Variants in NEGR1 observed in about 807,000 individuals in gnomAD.
The protein encoded by NEGR1 is IgLON family member 4.
In NEGR1, 10 loss-of-function variants were observed where a neutral mutation model predicts 40.9. The observed-to-expected ratio is 0.24, with a 90% CI of 0.15 to 0.42. The LOEUF (loss-of-function observed/expected upper bound fraction) is 0.42, where lower values mean the gene tolerates loss of function less well. Ranked by LOEUF, NEGR1 falls within the 10% of genes least tolerant of loss-of-function variation. The probability of loss-of-function intolerance (pLI) is 1.00; values close to 1 mark genes in which losing one functional copy is unlikely to be tolerated. For synonymous variants in NEGR1, 185 were observed against 166.8 expected, an observed-to-expected ratio of 1.11 and a Z score of -0.84; for missense variants, 352 against 438.9, an observed-to-expected ratio of 0.80 and a Z score of 1.77.
At chr1:71,560,082 G>C (rs1217801210) in intron 6 of NEGR1, among the ~76,000 whole-genome samples, 1 of 149,758 alleles carries the variant, frequency 6.7e-6, no homozygotes, top group African/African-American at 2.4e-5. Flanking sequence ...AAGAGGTCAT[G>C]ATGATGATGA....
chr1:71,836,467 A>G (rs1659033917), intron 2 of NEGR1, among the ~76,000 whole-genome samples: 1 of 110,928 alleles, frequency 9.0e-6, no homozygotes, highest in African/African-American at 3.1e-5. Flanking sequence ...AAAAAACAAC[A>G]AAATATATAT....
chr1:71,777,298 A>G lies in NEGR1; in HGVS notation c.410-1001T>C, dbSNP rs1280274195. Among the ~76,000 whole-genome samples the G allele has an allele frequency of 2.6e-5, 4 of 152,114 alleles. No homozygotes were observed. In the South Asian group the frequency reaches 6.2e-4, roughly 24 times the overall value. On this transcript the variant is annotated intron_variant, in intron 2 of 6. Transcript: ENST00000357731. ...ATAGTACATGTCCTATCTGGCTGCT[A>G]TGGAGACTAAGTAAGTCACTACATG... is the stretch of plus-strand genomic sequence containing the variant.
intron 1 of NEGR1, among the ~76,000 whole-genome samples, chr1:72,168,156 G>A (rs1651834267): frequency 6.6e-6 from 1 of 151,920 alleles, no homozygotes; most frequent in South Asian, 2.1e-4. Context: ...TGGGACTACA[G>A]GCATGTGCTG....
rs1343788931 is a variant in NEGR1, at chr1:71,760,200, T to G, written c.535+15972A>C. On this transcript the variant is annotated intron_variant, in intron 3 of 6. Transcript: ENST00000357731. ...AAATGTTTGGTGGGTTCCTCCTTTT[T>G]GTTTTTTTATGGGTAAGCACCTTCC... 2.6e-5 allele frequency among the ~76,000 whole-genome samples: 4 copies of G among 152,214 alleles called. No homozygotes were observed. In the East Asian group the frequency reaches 7.7e-4, roughly 29 times the overall value.
intron 2 of NEGR1, among the ~76,000 whole-genome samples, chr1:71,862,066 T>G (rs1468490463): frequency 6.6e-6 from 1 of 152,102 alleles, no homozygotes; most frequent in Non-Finnish European, 1.5e-5. Flanking sequence ...CTGTGTATTT[T>G]TCCTAAATTA....
chr1:71,945,473 A>T (rs1406439830), intron 1 of NEGR1, among the ~76,000 whole-genome samples: 2 of 152,170 alleles, frequency 1.3e-5, no homozygotes, highest in Admixed American at 1.3e-4. Flanking sequence ...GTCTGGCTTG[A>T]TGTAGCAAAA....
chr1:71,714,388 C>T (rs972271126), intron 3 of NEGR1, among the ~76,000 whole-genome samples: 3 of 152,166 alleles, frequency 2.0e-5, no homozygotes, highest in Non-Finnish European at 4.4e-5. Flanking sequence ...CTCATGTCCT[C>T]ACATTTCAAA....
chr1:71,527,302 C>T (rs1007982522), intron 6 of NEGR1, among the ~76,000 whole-genome samples: 4 of 151,366 alleles, frequency 2.6e-5, no homozygotes, highest in Non-Finnish European at 3.0e-5. Context: ...TTACTCCCAA[C>T]TTCCACCAGT....
intron 1 of NEGR1, among the ~76,000 whole-genome samples, chr1:72,047,411 C>T (rs900775384): frequency 4.0e-5 from 6 of 151,258 alleles, no homozygotes; most frequent in Non-Finnish European, 7.4e-5. Context: ...ATCCTATTTC[C>T]TAAAATTGTA....
chr1:72,012,291 A>G (rs1318782321), intron 1 of NEGR1, among the ~76,000 whole-genome samples: 1 of 152,058 alleles, frequency 6.6e-6, no homozygotes, highest in Admixed American at 6.6e-5. Flanking sequence ...GGACTCCCCC[A>G]TGGCTAACTA....
At chr1:71,725,041 C>G (rs1161354308) in intron 3 of NEGR1, among the ~76,000 whole-genome samples, 1 of 152,062 alleles carries the variant, frequency 6.6e-6, no homozygotes. Context: ...CCTTCATTGC[C>G]TAATGTTCAG....
intron 3 of NEGR1, among the ~76,000 whole-genome samples, chr1:71,702,359 A>G (rs1162396980): frequency 6.6e-6 from 1 of 152,054 alleles, no homozygotes; most frequent in East Asian, 1.9e-4. Flanking sequence ...TGGGGTAAAT[A>G]TAGGGTGTTA....
chr1:71,545,228 A>C (rs1294689134), intron 6 of NEGR1, among the ~76,000 whole-genome samples: 2 of 151,690 alleles, frequency 1.3e-5, no homozygotes, highest in East Asian at 3.9e-4. Context: ...CATATTTGAA[A>C]TTCAGGATCT....
chr1:71,666,696 T>C (rs1205932914), intron 4 of NEGR1, among the ~76,000 whole-genome samples: 3 of 152,218 alleles, frequency 2.0e-5, no homozygotes, highest in East Asian at 1.9e-4. Context: ...TGTAAATTTA[T>C]GGCAAAGTAT....
At chr1:72,069,384 C>T (rs1019702800) in intron 1 of NEGR1, among the ~76,000 whole-genome samples, 1 of 151,974 alleles carries the variant, frequency 6.6e-6, no homozygotes, top group Admixed American at 6.6e-5. Flanking sequence ...GCAGAGGTTG[C>T]AGTGTACCAG....
chr1:71,618,040 A>G (rs572527091), intron 4 of NEGR1, among the ~76,000 whole-genome samples: 15 of 152,312 alleles, frequency 9.8e-5, no homozygotes, highest in Admixed American at 3.3e-4. Context: ...ATCGGCAGAT[A>G]AAGTGGCTGC....
intron 2 of NEGR1, among the ~76,000 whole-genome samples, chr1:71,833,591 C>T (rs1026429469): frequency 6.6e-6 from 1 of 152,010 alleles, no homozygotes; most frequent in African/African-American, 2.4e-5. Flanking sequence ...TTCTAGCAGG[C>T]TGGTACTTAG....
At position 72,120,866 on chromosome 1, in the gene NEGR1, C is replaced by A. The variant is rs558117383; in HGVS notation, c.176+161453G>T. ...TGAATGATATATCATTCTGAAGCTG[C>A]ATTATTTAAAATAACTTGCTTTCAC... is the stretch of plus-strand genomic sequence containing the variant. On this transcript the variant is annotated intron_variant, in intron 1 of 6. Transcript: ENST00000357731. Among the ~76,000 whole-genome samples, 6 of 151,912 alleles carry A rather than the reference C, an allele frequency of 3.9e-5. No homozygotes were observed. The South Asian group carries it at 6.2e-4, about 16-fold the overall frequency.
chr1:72,199,450 A>G (rs192255108), intron 1 of NEGR1, among the ~76,000 whole-genome samples: 1 of 152,142 alleles, frequency 6.6e-6, no homozygotes, highest in East Asian at 1.9e-4. Context: ...GGAGAAATTG[A>G]GATTGTAGTT....
Sources: allele counts gnomAD v4.1 joint callset (sites outside exome capture counted in the v4.1 genomes callset), GRCh38; gene constraint gnomAD v4.1.1; transcripts MANE v1.5; gene names NCBI Gene and HGNC (gene_info 2026-07-23, HGNC 2026-07-21).